The following ACMSD variants were observed in gnomAD, a reference collection of about 807,000 sequenced individuals.
ACMSD encodes the protein 2-amino-3-carboxymuconate-6-semialdehyde decarboxylase.
ACMSD carries 37 observed loss-of-function variants against 45.9 expected under a neutral mutation model. The observed-to-expected ratio is 0.81, with a 90% CI of 0.62 to 1.06. The LOEUF (loss-of-function observed/expected upper bound fraction) is 1.06, where lower values mean the gene tolerates loss of function less well. ACMSD is among the 50% of genes least tolerant of loss of function. The pLI is 0.00. For synonymous variants in ACMSD, 138 were observed against 148.8 expected (o/e 0.93, Z 0.53); for missense variants, 434 against 420.9 (o/e 1.03, Z -0.27).
chr2:134,849,998 AC>A (rs1687258272), intron 2 of ACMSD, among the ~76,000 whole-genome samples: 1 of 144,224 alleles, frequency 6.9e-6, no homozygotes, highest in Non-Finnish European at 1.5e-5. Flanking sequence ...ACACACACAC[AC>A]GTGAACATTT....
intron 6 of ACMSD, among the ~76,000 whole-genome samples, chr2:134,869,376 C>A (rs1490840814): frequency 6.6e-6 from 1 of 152,012 alleles, no homozygotes; most frequent in Non-Finnish European, 1.5e-5. Context: ...CCACGCACAG[C>A]TAATTTTTAT....
chr2:134,866,039 T>C (rs13396843), intron 5 of ACMSD, among the ~76,000 whole-genome samples: 8,793 of 152,238 alleles, frequency 0.058, 389 homozygotes, highest in African/African-American at 0.13. Context: ...TTAATTATAA[T>C]TGTGAGAGTA....
At chr2:134,848,647 T>C (rs1380141289) in intron 2 of ACMSD, among the ~76,000 whole-genome samples, 1 of 152,234 alleles carries the variant, frequency 6.6e-6, no homozygotes, top group East Asian at 1.9e-4. Flanking sequence ...GTAAATTTGT[T>C]TAAGTTCCTT....
At chr2:134,883,347 T>C (rs1689151272) in intron 8 of ACMSD, among the ~76,000 whole-genome samples, 1 of 152,118 alleles carries the variant, frequency 6.6e-6, no homozygotes, top group African/African-American at 2.4e-5. Context: ...TGAGGACAGC[T>C]TTGGGTATCC....
chr2:134,885,409 A>T (rs1436444038), intron 8 of ACMSD, among the ~76,000 whole-genome samples: 8 of 117,890 alleles, frequency 6.8e-5, no homozygotes, highest in East Asian at 3.6e-4. Flanking sequence ...TTTATATATA[A>T]AATATATATG....
chr2:134,865,032 C>A (rs534652062), intron 5 of ACMSD, among the ~76,000 whole-genome samples: 263 of 152,270 alleles, frequency 1.7e-3, no homozygotes, highest in African/African-American at 5.4e-3. Flanking sequence ...AATGCAAAAT[C>A]TTTAATAATG....
intron 5 of ACMSD, 129 bp from the exon 6 acceptor site, chr2:134,867,450 A>T: frequency 1.6e-6 from 1 of 619,916 alleles, no homozygotes; most frequent in East Asian, 2.8e-5. Flanking sequence ...AAAACAACTT[A>T]AAAAGCATTT....
intron 2 of ACMSD, 83 bp from the exon 3 acceptor site, chr2:134,859,178 G>A (rs1437602741): frequency 1.8e-6 from 2 of 1,101,558 alleles, no homozygotes; most frequent in East Asian, 2.4e-5. Context: ...TATTAGGGAA[G>A]AAATACGTTC....
At chr2:134,885,939 C>T (rs1185453180) in intron 8 of ACMSD, among the ~76,000 whole-genome samples, 1 of 152,092 alleles carries the variant, frequency 6.6e-6, no homozygotes, top group Non-Finnish European at 1.5e-5. Context: ...CACAAAGGTT[C>T]GGGACCCCTT....
chr2:134,842,393 C>T (rs1686845612), intron 1 of ACMSD, among the ~76,000 whole-genome samples: 1 of 152,142 alleles, frequency 6.6e-6, no homozygotes, highest in South Asian at 2.1e-4. Flanking sequence ...AGGCTCTTTT[C>T]TTCATGGCTC....
intron 5 of ACMSD, among the ~76,000 whole-genome samples, chr2:134,864,457 T>C (rs764707977): frequency 6.6e-6 from 1 of 152,170 alleles, no homozygotes; most frequent in Non-Finnish European, 1.5e-5. Flanking sequence ...TATACATATA[T>C]CTATATTTTA....
chr2:134,840,657 C>T (rs1686763247), intron 1 of ACMSD, among the ~76,000 whole-genome samples: 1 of 152,226 alleles, frequency 6.6e-6, no homozygotes, highest in Non-Finnish European at 1.5e-5. Flanking sequence ...TCTTGGACTT[C>T]CCAGCTTCCA....
chr2:134,838,655 C>A lies in ACMSD; in HGVS notation c.-28C>A, dbSNP rs762462403. 1.3e-6 allele frequency: 2 copies of A among 1,597,938 alleles called. No homozygotes were observed. The highest frequency in any genetic ancestry group is 1.7e-6 in the Non-Finnish European group (2 of 1,168,924). On this transcript the variant is annotated 5_prime_UTR_variant, in exon 1 of 10. Transcript: ENST00000356140. ...GGTCTCTTGATATCAAAACTTCTTT[C>A]CTTGCATGCTTCTCTGATCCTGTGG... is the stretch of plus-strand genomic sequence containing the variant.
At chr2:134,889,501 C>G (rs1167321852) in intron 8 of ACMSD, among the ~76,000 whole-genome samples, 4 of 151,980 alleles carry the variant, frequency 2.6e-5, no homozygotes, top group Non-Finnish European at 5.9e-5. Flanking sequence ...CAGATTCAAC[C>G]AACTGAATTG....
At chr2:134,849,026 C>T (rs541229250) in intron 2 of ACMSD, among the ~76,000 whole-genome samples, 6 of 152,168 alleles carry the variant, frequency 3.9e-5, no homozygotes, top group South Asian at 2.1e-4. Flanking sequence ...CAAGTCTCTC[C>T]GAGGGAAAAC....
At chr2:134,851,802 G>T (rs976398412) in intron 2 of ACMSD, among the ~76,000 whole-genome samples, 2 of 152,108 alleles carry the variant, frequency 1.3e-5, no homozygotes, top group Non-Finnish European at 2.9e-5. Flanking sequence ...TTTAATAATG[G>T]CCATTCTGAT....
intron 2 of ACMSD, among the ~76,000 whole-genome samples, chr2:134,849,277 T>C (rs1687220037): frequency 1.3e-5 from 2 of 151,778 alleles, no homozygotes; most frequent in African/African-American, 4.8e-5. Context: ...ACTGACTTAT[T>C]TCCAGCAAAA....
intron 8 of ACMSD, among the ~76,000 whole-genome samples, chr2:134,888,771 A>T (rs1463254583): frequency 2.0e-5 from 3 of 152,188 alleles, no homozygotes; most frequent in Non-Finnish European, 4.4e-5. Context: ...CTCCATTCAT[A>T]TGAAGTTCTT....
chr2:134,850,230 T>C (rs1687270121), intron 2 of ACMSD, among the ~76,000 whole-genome samples: 1 of 152,024 alleles, frequency 6.6e-6, no homozygotes, highest in African/African-American at 2.4e-5. Context: ...TACAAATAGA[T>C]ATATATGGGT....
Sources: gnomAD v4.1 joint callset for allele counts (sites outside exome capture counted in the v4.1 genomes callset) on GRCh38, gnomAD v4.1.1 for gene constraint, MANE v1.5 for transcripts, NCBI Gene and HGNC (gene_info 2026-07-23, HGNC 2026-07-21) for gene names.